Variants in GALNT13 observed in about 807,000 individuals in gnomAD.
GALNT13 encodes polypeptide N-acetylgalactosaminyltransferase 13.
Under a neutral mutation model 64.2 loss-of-function variants are expected in GALNT13, and 28 were observed. That is an observed-to-expected ratio of 0.44 (90% CI 0.32 to 0.60). GALNT13 has a LOEUF of 0.60. GALNT13 is among the 20% of genes least tolerant of loss of function. The pLI, the probability that GALNT13 is intolerant of heterozygous loss-of-function variation, is 0.05. For missense variants in GALNT13, 577 were observed against 669.8 expected (o/e 0.86, Z 1.53); for synonymous variants, 214 against 224.6 (o/e 0.95, Z 0.42).
At chr2:153,757,995 C>T in the GALNT13 span, among the ~76,000 whole-genome samples, 1 of 151,858 alleles carries the variant, frequency 6.6e-6, no homozygotes, top group Non-Finnish European at 1.5e-5. Flanking sequence ...TGATATAATC[C>T]TATTTCTCTA....
chr2:153,486,243 CT>C, the GALNT13 span, among the ~76,000 whole-genome samples: 1 of 152,132 alleles, frequency 6.6e-6, no homozygotes, highest in Non-Finnish European at 1.5e-5. Context: ...CCTCACCTTC[CT>C]TTTAATGAAA....
chr2:153,592,950 G>A, the GALNT13 span: 1 of 152,254 alleles, frequency 6.6e-6, no homozygotes, highest in Non-Finnish European at 1.5e-5. Context: ...TCCCCAAACA[G>A]TTCATTCCTG....
the GALNT13 span, among the ~76,000 whole-genome samples, chr2:153,433,444 C>A: frequency 7.3e-5 from 11 of 151,284 alleles, no homozygotes; most frequent in African/African-American, 2.4e-4. Flanking sequence ...TCCTCTTATC[C>A]TGGTGTCATT....
At chr2:154,006,038 C>A (rs1214609658) in intron 3 of GALNT13, among the ~76,000 whole-genome samples, 1 of 152,094 alleles carries the variant, frequency 6.6e-6, no homozygotes, top group Non-Finnish European at 1.5e-5. Context: ...AGTAGGCACA[C>A]AAAATATCTT....
At chr2:154,308,354 A>T (rs1473129978) in intron 9 of GALNT13, among the ~76,000 whole-genome samples, 3 of 152,138 alleles carry the variant, frequency 2.0e-5, no homozygotes, top group Non-Finnish European at 4.4e-5. Flanking sequence ...CATTGTTATT[A>T]AAGTTTAAAG....
chr2:153,400,919 A>G, the GALNT13 span, among the ~76,000 whole-genome samples: 1 of 151,096 alleles, frequency 6.6e-6, no homozygotes, highest in South Asian at 2.1e-4. Context: ...TTGTGTCTCT[A>G]TTTCCTTCAG....
At chr2:153,470,718 A>T in the GALNT13 span, among the ~76,000 whole-genome samples, 1 of 152,176 alleles carries the variant, frequency 6.6e-6, no homozygotes, top group Non-Finnish European at 1.5e-5. Context: ...TAACCCAAAG[A>T]TTCTTAATTA....
chr2:154,023,380 A>G (rs981755960), intron 3 of GALNT13, among the ~76,000 whole-genome samples: 6 of 152,154 alleles, frequency 3.9e-5, no homozygotes, highest in Admixed American at 2.0e-4. Flanking sequence ...GTGCTCCTGT[A>G]TTGGGTATAT....
chr2:153,719,911 C>A, the GALNT13 span, among the ~76,000 whole-genome samples: 50 of 152,244 alleles, frequency 3.3e-4, no homozygotes, highest in African/African-American at 5.1e-4. Flanking sequence ...CCCAGGCTTG[C>A]TTAGGTAAAC....
the GALNT13 span, among the ~76,000 whole-genome samples, chr2:153,708,273 A>T: frequency 6.6e-6 from 1 of 152,120 alleles, no homozygotes; most frequent in Non-Finnish European, 1.5e-5. Flanking sequence ...AATGATATGA[A>T]TCTCATAGTC....
chr2:153,715,705 G>A, the GALNT13 span, among the ~76,000 whole-genome samples: 1 of 152,098 alleles, frequency 6.6e-6, no homozygotes, highest in Non-Finnish European at 1.5e-5. Context: ...TTCCCATTTA[G>A]GCTCTAGCCC....
At chr2:153,098,059 C>G in the GALNT13 span, among the ~76,000 whole-genome samples, 1 of 152,174 alleles carries the variant, frequency 6.6e-6, no homozygotes, top group Admixed American at 6.6e-5. Context: ...GAGTGAGACT[C>G]CGTCTCAAAT....
chr2:153,335,000 G>A, the GALNT13 span, among the ~76,000 whole-genome samples: 1 of 152,160 alleles, frequency 6.6e-6, no homozygotes, highest in Non-Finnish European at 1.5e-5. Context: ...TGCTATTCAA[G>A]TGATAGTGAA....
At chr2:153,614,176 T>G in the GALNT13 span, among the ~76,000 whole-genome samples, 40 of 151,960 alleles carry the variant, frequency 2.6e-4, no homozygotes, top group African/African-American at 9.2e-4. Context: ...CTAGGAATAC[T>G]CTAGGGATTA....
At chr2:153,725,026 A>T in the GALNT13 span, among the ~76,000 whole-genome samples, 1 of 151,130 alleles carries the variant, frequency 6.6e-6, no homozygotes, top group African/African-American at 2.4e-5. Context: ...TTGCAGCATT[A>T]TTCACAATAG....
At chr2:154,434,387 G>A (rs1322979240) in intron 11 of GALNT13, among the ~76,000 whole-genome samples, 1 of 152,120 alleles carries the variant, frequency 6.6e-6, no homozygotes, top group Admixed American at 6.5e-5. Context: ...AGCCTCCAGA[G>A]TAGCTGGAAC....
the GALNT13 span, among the ~76,000 whole-genome samples, chr2:153,349,069 G>A: frequency 6.6e-6 from 1 of 152,150 alleles, no homozygotes; most frequent in Non-Finnish European, 1.5e-5. Flanking sequence ...TACATTTCAA[G>A]CTCCTATGTC....
the GALNT13 span, among the ~76,000 whole-genome samples, chr2:153,276,647 G>A: frequency 4.6e-5 from 7 of 152,026 alleles, no homozygotes; most frequent in Non-Finnish European, 8.8e-5. Flanking sequence ...TATTTAATTT[G>A]TAGTTTCTGA....
chr2:153,117,037 G>T, the GALNT13 span, among the ~76,000 whole-genome samples: 1 of 151,814 alleles, frequency 6.6e-6, no homozygotes, highest in African/African-American at 2.4e-5. Context: ...CTGACCTCGT[G>T]ATCCACCCGC....
Sources: allele counts gnomAD v4.1 joint callset (sites outside exome capture counted in the v4.1 genomes callset), GRCh38; gene constraint gnomAD v4.1.1; transcripts MANE v1.5; gene names NCBI Gene and HGNC (gene_info 2026-07-23, HGNC 2026-07-21).